CTNND2: variants seen among roughly 807,000 people sequenced by gnomAD.
CTNND2 encodes the protein catenin delta-2.
CTNND2 carries 22 observed loss-of-function variants against 144.4 expected under a neutral mutation model. That is an observed-to-expected ratio of 0.15 (90% CI 0.11 to 0.22). The LOEUF is 0.22. Ranked by LOEUF, CTNND2 falls within the 10% of genes least tolerant of loss-of-function variation. The probability of loss-of-function intolerance (pLI) is 1.00; values close to 1 mark genes in which losing one functional copy is unlikely to be tolerated. For synonymous variants in CTNND2, 751 were observed against 695.6 expected (o/e 1.08, Z -1.25); for missense variants, 1,353 against 1,618.8 (o/e 0.84, Z 2.82).
chr5:11,720,157 TGA>T (rs1250767892), intron 2 of CTNND2, among the ~76,000 whole-genome samples: 4 of 152,148 alleles, frequency 2.6e-5, no homozygotes, highest in Non-Finnish European at 5.9e-5. Flanking sequence ...TGGCCGTACT[TGA>T]GAGTACTTCC....
chr5:11,346,692 G>C, intron 8 of CTNND2, 65 bp from the exon 9 acceptor site: 6 of 1,380,396 alleles, frequency 4.3e-6, no homozygotes, highest in Non-Finnish European at 4.7e-6. Context: ...GGTTAACCAG[G>C]TCTAGGCAGG....
intron 9 of CTNND2, among the ~76,000 whole-genome samples, chr5:11,295,985 G>A (rs1748930197): frequency 6.6e-6 from 1 of 151,688 alleles, no homozygotes; most frequent in Admixed American, 6.6e-5. Flanking sequence ...TGACAAATGG[G>A]AACTAATTAA....
intron 2 of CTNND2, among the ~76,000 whole-genome samples, chr5:11,696,310 A>G (rs1481262219): frequency 1.3e-5 from 2 of 152,222 alleles, no homozygotes; most frequent in Non-Finnish European, 2.9e-5. Flanking sequence ...AATTGTTTCC[A>G]ACTATTTAAA....
chr5:11,885,929 G>A (rs995967858), intron 1 of CTNND2, among the ~76,000 whole-genome samples: 9 of 151,974 alleles, frequency 5.9e-5, no homozygotes, highest in South Asian at 4.2e-4. Flanking sequence ...AACAACCAAC[G>A]GGTCGATACA....
At position 11,809,528 on chromosome 5, in the gene CTNND2, G is replaced by T. The variant is rs182018850; in HGVS notation, c.38-77256C>A. Among the ~76,000 whole-genome samples the T allele has an allele frequency of 2.0e-5, 3 of 152,310 alleles. No homozygotes were observed. In the East Asian group the frequency reaches 5.8e-4, roughly 29 times the overall value. On this transcript the variant is annotated intron_variant, in intron 1 of 21. Transcript: ENST00000304623. ...GAATCTAACAAATGATCAACAAAGA[G>T]TAAGTCATGGTGGAAATTCATATGT...
chr5:11,588,883 CCCT>C lies in CTNND2; in HGVS notation c.175-23830_175-23828del, dbSNP rs150628961. On this transcript the variant is annotated intron_variant, in intron 2 of 21. Transcript: ENST00000304623. ...GCGGTTCCTGGCATCCTACCCACCT[CCCT>C]CCTCCCTCCCTGCACCACGGCTAAA... The C allele has an allele frequency of 3.9e-4, 380 of 985,460 alleles. 1 individual carries two copies. The African/African-American group carries it at 5.5e-3, about 14-fold the overall frequency. The allele number at this position is 985,460 out of a possible 1,614,324, so 61.0% of individuals were successfully genotyped here.
intron 9 of CTNND2, among the ~76,000 whole-genome samples, chr5:11,318,218 C>T (rs1330649943): frequency 6.6e-6 from 1 of 152,154 alleles, no homozygotes; most frequent in Admixed American, 6.5e-5. Context: ...TTCTCTGGCT[C>T]TCCCCACCAG....
intron 3 of CTNND2, among the ~76,000 whole-genome samples, chr5:11,544,725 G>A (rs970198161): frequency 1.3e-5 from 2 of 152,246 alleles, no homozygotes; most frequent in African/African-American, 2.4e-5. Flanking sequence ...GCTCATGCCT[G>A]TAATCCCAGA....
intron 9 of CTNND2, among the ~76,000 whole-genome samples, chr5:11,259,355 T>C (rs930915539): frequency 2.6e-4 from 39 of 152,152 alleles, no homozygotes; most frequent in African/African-American, 8.7e-4. Context: ...AAAAAAAAGA[T>C]GGCACCATGT....
rs144404575 is a variant in CTNND2, at chr5:11,016,609, C to T, written c.3084+1365G>A. 7.2e-5 allele frequency among the ~76,000 whole-genome samples: 11 copies of T among 152,246 alleles called. No homozygotes were observed. The East Asian group carries it at 2.1e-3, about 29-fold the overall frequency. On this transcript the variant is annotated intron_variant, in intron 18 of 21. Coordinates refer to ENST00000304623, the MANE Select transcript of CTNND2 (RefSeq NM_001332.4). ...GGAGGCAGCAATGATCTTGGCTTTCCCACTCCCTGCAAGTGGCCAGGGGGC... is the reference window on the plus strand; with the variant it reads ...GGAGGCAGCAATGATCTTGGCTTTCTCACTCCCTGCAAGTGGCCAGGGGGC...
At chr5:11,171,868 A>G (rs1368679720) in intron 11 of CTNND2, among the ~76,000 whole-genome samples, 1 of 152,126 alleles carries the variant, frequency 6.6e-6, no homozygotes, top group African/African-American at 2.4e-5. Context: ...AAAGTGAGCA[A>G]AGGCTTACAG....
chr5:11,129,140 T>A (rs1176645976), intron 12 of CTNND2, among the ~76,000 whole-genome samples: 831 of 25,706 alleles, frequency 0.032, 99 homozygotes, highest in African/African-American at 0.099. Context: ...TTTATATATA[T>A]TATATATAAA....
intron 2 of CTNND2, among the ~76,000 whole-genome samples, chr5:11,638,580 C>G (rs1781831247): frequency 6.6e-6 from 1 of 152,022 alleles, no homozygotes; most frequent in African/African-American, 2.4e-5. Context: ...CTGTACAGAA[C>G]CATGGACTCC....
At chr5:11,122,917 G>A (rs1007518706) in intron 12 of CTNND2, among the ~76,000 whole-genome samples, 11 of 152,056 alleles carry the variant, frequency 7.2e-5, no homozygotes, top group Non-Finnish European at 1.5e-4. Context: ...GACCAGACCC[G>A]ACCCTGGGGA....
intron 1 of CTNND2, among the ~76,000 whole-genome samples, chr5:11,773,819 A>T (rs2126831260): frequency 6.6e-6 from 1 of 152,016 alleles, no homozygotes; most frequent in East Asian, 1.9e-4. Flanking sequence ...TCAAAAAAAA[A>T]AAAAAAAAAA....
intron 11 of CTNND2, among the ~76,000 whole-genome samples, chr5:11,190,035 G>A (rs1237589396): frequency 6.6e-6 from 1 of 152,150 alleles, no homozygotes; most frequent in East Asian, 1.9e-4. Context: ...AATGACAGGA[G>A]ACAAGAATGG....
chr5:11,089,132 A>C (rs1334080693), intron 15 of CTNND2, among the ~76,000 whole-genome samples: 1 of 152,232 alleles, frequency 6.6e-6, no homozygotes, highest in African/African-American at 2.4e-5. Flanking sequence ...AGCCTGGGTG[A>C]ATTAATTCGT....
chr5:11,149,339 T>A (rs1378019826), intron 12 of CTNND2, among the ~76,000 whole-genome samples: 2 of 152,146 alleles, frequency 1.3e-5, no homozygotes, highest in African/African-American at 4.8e-5. Context: ...TGTTCCAAAA[T>A]AAGGGCAGGC....
chr5:11,268,940 G>A (rs1188529517), intron 9 of CTNND2, among the ~76,000 whole-genome samples: 1 of 152,200 alleles, frequency 6.6e-6, no homozygotes, highest in Non-Finnish European at 1.5e-5. Context: ...AAGAGATAGG[G>A]AATGTTAGTT....
Sources: allele counts gnomAD v4.1 joint callset (sites outside exome capture counted in the v4.1 genomes callset), GRCh38; gene constraint gnomAD v4.1.1; transcripts MANE v1.5; gene names NCBI Gene and HGNC (gene_info 2026-07-23, HGNC 2026-07-21).